ACOXL: variants seen among roughly 807,000 people sequenced by gnomAD.
The protein encoded by ACOXL is acyl-CoA oxidase like, also known as acyl-coenzyme A oxidase-like protein.
Under a neutral mutation model 71.9 loss-of-function variants are expected in ACOXL, and 70 were observed. The observed-to-expected ratio is 0.97, with a 90% CI of 0.80 to 1.19. The LOEUF is 1.19. ACOXL is among the 50% of genes most tolerant of loss of function. The pLI is 0.00. For synonymous variants in ACOXL, 253 were observed against 281.6 expected (o/e 0.90, Z 1.02); for missense variants, 703 against 736.3 (o/e 0.95, Z 0.52).
intron 16 of ACOXL, among the ~76,000 whole-genome samples, chr2:111,091,320 T>C (rs2068511763): frequency 6.6e-6 from 1 of 152,180 alleles, no homozygotes; most frequent in African/African-American, 2.4e-5. Context: ...GTATCATCTG[T>C]TTCTTGGTTG....
At chr2:110,931,582 T>G (rs1247037517) in intron 11 of ACOXL, among the ~76,000 whole-genome samples, 2 of 152,198 alleles carry the variant, frequency 1.3e-5, no homozygotes, top group African/African-American at 4.8e-5. Context: ...GCCCTGGGTT[T>G]AAATGCTAGC....
chr2:110,764,207 A>G (rs1393439848), intron 1 of ACOXL, among the ~76,000 whole-genome samples: 1 of 152,222 alleles, frequency 6.6e-6, no homozygotes, highest in African/African-American at 2.4e-5. Flanking sequence ...AGAAACCTGC[A>G]CATGGATATT....
intron 16 of ACOXL, among the ~76,000 whole-genome samples, chr2:111,080,519 G>C (rs2067848073): frequency 6.6e-6 from 1 of 152,010 alleles, no homozygotes; most frequent in Non-Finnish European, 1.5e-5. Flanking sequence ...TGTGATTGAG[G>C]CAATAATTAA....
intron 11 of ACOXL, among the ~76,000 whole-genome samples, chr2:110,925,677 C>T (rs1361400458): frequency 6.6e-6 from 1 of 152,144 alleles, no homozygotes; most frequent in South Asian, 2.1e-4. Flanking sequence ...TCCATATCAG[C>T]AAAAGTCTGT....
At chr2:110,858,937 G>A (rs994349062) in intron 10 of ACOXL, among the ~76,000 whole-genome samples, 3 of 152,158 alleles carry the variant, frequency 2.0e-5, no homozygotes, top group African/African-American at 7.2e-5. Flanking sequence ...TTTGAAGAGA[G>A]TTTGCATGCT....
intron 16 of ACOXL, among the ~76,000 whole-genome samples, chr2:111,078,047 C>A (rs938731049): frequency 6.6e-6 from 1 of 152,116 alleles, no homozygotes; most frequent in African/African-American, 2.4e-5. Flanking sequence ...GAAGGTTAGA[C>A]CTTTTGTTAC....
At chr2:110,892,800 C>G (rs1052799137) in intron 10 of ACOXL, among the ~76,000 whole-genome samples, 3 of 152,162 alleles carry the variant, frequency 2.0e-5, no homozygotes, top group African/African-American at 7.2e-5. Flanking sequence ...AAAGCAAGGA[C>G]TTGTCTGTCA....
intron 17 of ACOXL, among the ~76,000 whole-genome samples, chr2:111,094,545 G>A (rs2068706140): frequency 6.6e-6 from 1 of 152,178 alleles, no homozygotes; most frequent in Admixed American, 6.5e-5. Flanking sequence ...AGAGAAGGAA[G>A]GGAGGGGTTG....
intron 11 of ACOXL, among the ~76,000 whole-genome samples, chr2:110,913,828 G>A (rs1274482784): frequency 6.6e-6 from 1 of 152,132 alleles, no homozygotes; most frequent in Non-Finnish European, 1.5e-5. Flanking sequence ...AGAGAGAGTA[G>A]GATAGGTACC....
chr2:110,952,608 A>C (rs1487136207), intron 12 of ACOXL, among the ~76,000 whole-genome samples: 4 of 151,944 alleles, frequency 2.6e-5, no homozygotes, highest in Non-Finnish European at 5.9e-5. Flanking sequence ...TATCATGCCC[A>C]GCTAATTTTT....
chr2:111,052,526 G>T (rs1181412816), intron 16 of ACOXL, among the ~76,000 whole-genome samples: 1 of 152,112 alleles, frequency 6.6e-6, no homozygotes, highest in East Asian at 1.9e-4. Context: ...CCCGAGAAGG[G>T]GGCTAGGGAA....
At chr2:111,036,490 C>A (rs1464140213) in intron 15 of ACOXL, among the ~76,000 whole-genome samples, 1 of 152,214 alleles carries the variant, frequency 6.6e-6, no homozygotes, top group Non-Finnish European at 1.5e-5. Context: ...ACTGCCAAAT[C>A]CCAGTAGACC....
chr2:110,778,851 T>A (rs1419247456), intron 2 of ACOXL, among the ~76,000 whole-genome samples: 1 of 152,202 alleles, frequency 6.6e-6, no homozygotes, highest in Non-Finnish European at 1.5e-5. Flanking sequence ...GGCCAAAAAT[T>A]ATAAGCAACC....
intron 12 of ACOXL, among the ~76,000 whole-genome samples, chr2:110,938,542 A>C (rs182038587): frequency 6.6e-6 from 1 of 152,314 alleles, no homozygotes; most frequent in Non-Finnish European, 1.5e-5. Context: ...CCATGAGGGC[A>C]GTGAGGGCAG....
chr2:110,839,822 GCAC>G (rs1411736906), intron 9 of ACOXL, among the ~76,000 whole-genome samples: 1 of 151,982 alleles, frequency 6.6e-6, no homozygotes, highest in Non-Finnish European at 1.5e-5. Flanking sequence ...CTATCATCTT[GCAC>G]CACCTGGGAC....
rs70958749 is a variant in ACOXL at position 110,950,835 on chromosome 2, G to GA, written c.1059+17193_1059+17194insA. ...GGAGAGAGAGAGAGAGAGAGAGAGA[G>GA]GGAAGTTCTGGAATTTAGCTCTCAT... On this transcript the variant is annotated intron_variant, in intron 12 of 17. Coordinates refer to ENST00000439055, the MANE Select transcript of ACOXL (RefSeq NM_001142807.4). 2.2e-4 allele frequency among the ~76,000 whole-genome samples: 34 copies of GA among 151,712 alleles called. No homozygotes were observed. In the East Asian group the frequency reaches 3.3e-3, roughly 15 times the overall value.
intron 15 of ACOXL, among the ~76,000 whole-genome samples, chr2:111,046,756 A>G (rs1196758813): frequency 6.6e-6 from 1 of 152,056 alleles, no homozygotes; most frequent in African/African-American, 2.4e-5. Flanking sequence ...ATACAACCAA[A>G]CCATATCAGG....
chr2:110,876,673 T>C (rs1460624940), intron 10 of ACOXL, among the ~76,000 whole-genome samples: 1 of 152,154 alleles, frequency 6.6e-6, no homozygotes, highest in Non-Finnish European at 1.5e-5. Context: ...CAGGTCTCAC[T>C]ATGTGATGGC....
At chr2:111,003,937 A>G (rs1165316991) in intron 14 of ACOXL, among the ~76,000 whole-genome samples, 2 of 152,224 alleles carry the variant, frequency 1.3e-5, no homozygotes, top group Non-Finnish European at 1.5e-5. Context: ...GGCAAAACCT[A>G]CGAACTTAGA....
Sources: allele counts gnomAD v4.1 joint callset (sites outside exome capture counted in the v4.1 genomes callset), GRCh38; gene constraint gnomAD v4.1.1; transcripts MANE v1.5; gene names NCBI Gene and HGNC (gene_info 2026-07-23, HGNC 2026-07-21).